The following FBRSL1 variants were observed in gnomAD, a reference collection of about 807,000 sequenced individuals.
FBRSL1 encodes the protein fibrosin-1-like protein.
Under a neutral mutation model 89.6 loss-of-function variants are expected in FBRSL1, and 51 were observed. The observed-to-expected ratio is 0.57, with a 90% CI of 0.45 to 0.72. The LOEUF is 0.72. FBRSL1 is among the 30% of genes least tolerant of loss of function. The pLI, the probability that FBRSL1 is intolerant of heterozygous loss-of-function variation, is 0.00. For missense variants in FBRSL1, 1,618 were observed against 1,451.8 expected (o/e 1.11, Z -1.86); for synonymous variants, 779 against 681.1 (o/e 1.14, Z -2.24).
chr12:132,571,918 C>T (rs1021018401), intron 9 of FBRSL1: 2 of 361,416 alleles, frequency 5.5e-6, no homozygotes, highest in Non-Finnish European at 5.0e-6. Context: ...GGGCTGGAGT[C>T]CCCTCCACTC....
At chr12:132,581,693 C>T (rs752492362) in intron 16 of FBRSL1, 48 bp from the exon 17 acceptor site, 12 of 1,537,792 alleles carry the variant, frequency 7.8e-6, no homozygotes, top group East Asian at 2.4e-5. Flanking sequence ...AGGTGGGAGC[C>T]GCAGCCCACG....
At chr12:132,547,946 G>T in intron 4 of FBRSL1, 57 bp from the exon 5 acceptor site, 1 of 1,540,060 alleles carries the variant, frequency 6.5e-7, no homozygotes. Context: ...GCCGTGCCCC[G>T]GGGGGTGACA....
Position 132,581,453 on chromosome 12 carries a change from G to A in FBRSL1, c.1849G>A (p.Ala617Thr). 1.3e-6 allele frequency: 2 copies of A among 1,551,004 alleles called. No individual in the cohort carries two copies. The highest frequency in any genetic ancestry group is 2.4e-5 in the South Asian group (2 of 84,062). Residue 617 changes from alanine (A) to threonine (T), a missense_variant, in exon 16 of 19, where the codon GCC (alanine) becomes ACC (threonine). Ala to Thr is a moderately conservative substitution (Grantham distance 58, BLOSUM62 0). Transcript: ENST00000680143. ...LFPSTGAAHP[A>T]SNPFGPSAHP... ...GCCCCCCCCAGGTGCCGCCCATCCT[G>A]CCTCCAACCCATTTGGACCCTCAGC...
At chr12:132,493,035 A>G (rs149577021) in intron 1 of FBRSL1, among the ~76,000 whole-genome samples, 1,814 of 152,242 alleles carry the variant, frequency 0.012, 125 homozygotes, top group Admixed American at 0.1. Flanking sequence ...TTACTCCTCA[A>G]ATGACCCACG....
intron 1 of FBRSL1, among the ~76,000 whole-genome samples, chr12:132,500,852 C>T (rs544773796): frequency 2.6e-5 from 4 of 152,230 alleles, no homozygotes; most frequent in Non-Finnish European, 4.4e-5. Flanking sequence ...CCTCTCCTGC[C>T]GCAGTGTCCC....
chr12:132,498,495 C>T (rs1464537764), intron 1 of FBRSL1, among the ~76,000 whole-genome samples: 2 of 152,226 alleles, frequency 1.3e-5, no homozygotes, highest in Non-Finnish European at 1.5e-5. Context: ...CCTACAGACC[C>T]TCCAGGGAAA....
chr12:132,513,565 C>T (rs2034563677), intron 2 of FBRSL1, among the ~76,000 whole-genome samples: 1 of 152,210 alleles, frequency 6.6e-6, no homozygotes, highest in South Asian at 2.1e-4. Context: ...TCTGTGGGGG[C>T]CTCTGCCCAC....
intron 5 of FBRSL1, among the ~76,000 whole-genome samples, chr12:132,562,292 T>C (rs2039196034): frequency 6.6e-6 from 1 of 151,870 alleles, no homozygotes; most frequent in African/African-American, 2.4e-5. Flanking sequence ...CCTGTCCTTC[T>C]TTCTTTGTAA....
intron 5 of FBRSL1, among the ~76,000 whole-genome samples, chr12:132,561,893 C>T (rs2039160137): frequency 6.6e-6 from 1 of 152,202 alleles, no homozygotes; most frequent in Middle Eastern, 3.2e-3. Flanking sequence ...CCCATCCTTG[C>T]TGTGTGAGGG....
intron 12 of FBRSL1, 56 bp from the exon 13 acceptor site, chr12:132,574,263 C>T: frequency 6.8e-7 from 1 of 1,475,842 alleles, no homozygotes; most frequent in Non-Finnish European, 9.0e-7. Context: ...CCCTGCACCC[C>T]CAGGACTCAG....
intron 5 of FBRSL1, among the ~76,000 whole-genome samples, chr12:132,560,513 T>C (rs2039027701): frequency 6.6e-6 from 1 of 151,742 alleles, no homozygotes. Context: ...CGCGCCTTTG[T>C]CTGCGCCCAG....
At chr12:132,510,906 C>T (rs1245975085) in intron 2 of FBRSL1, 25 of 1,002,768 alleles carry the variant, frequency 2.5e-5, no homozygotes, top group East Asian at 1.1e-4. Flanking sequence ...TTGCCCCTGG[C>T]GTGCCACCTG....
At chr12:132,539,039 T>G (rs940818815) in intron 4 of FBRSL1, among the ~76,000 whole-genome samples, 1 of 149,974 alleles carries the variant, frequency 6.7e-6, no homozygotes, top group African/African-American at 2.5e-5. Flanking sequence ...CCTGGTGGGC[T>G]CCCATGCACT....
intron 5 of FBRSL1, among the ~76,000 whole-genome samples, chr12:132,562,684 C>G (rs1250140501): frequency 6.6e-6 from 1 of 151,134 alleles, no homozygotes; most frequent in African/African-American, 2.4e-5. Context: ...CGGGGCCCAA[C>G]CGCTGCTCCT....
chr12:132,571,242 G>T lies in FBRSL1; in HGVS notation c.1377+11G>T, dbSNP rs2039987292. On this transcript the variant is annotated intron_variant, in intron 9 of 18. Transcript: ENST00000680143. ...CCCCGGGAGTGCCAGGTGACTATCC[G>T]CCTCGCCCCGCCGGGAGCCCGCGGC... 1.4e-6 allele frequency: 2 copies of T among 1,470,406 alleles called. No individual in the cohort carries two copies. Among genetic ancestry groups the T allele is most frequent in the Non-Finnish European group, 1.8e-6 (2 of 1,101,240 alleles). The allele number at this position is 1,470,406 out of a possible 1,614,324, so 91.1% of individuals were successfully genotyped here.
chr12:132,560,044 C>G (rs1451364800), intron 5 of FBRSL1: 1 of 150,426 alleles, frequency 6.6e-6, no homozygotes, highest in Non-Finnish European at 1.5e-5. Context: ...CGAGCGCCGC[C>G]CAGAGCGCGC....
At chr12:132,509,487 C>T (rs969177825) in intron 2 of FBRSL1, 18 of 1,238,964 alleles carry the variant, frequency 1.5e-5, no homozygotes, top group African/African-American at 1.1e-4. Flanking sequence ...CCAGCGGTCA[C>T]GCCCGGCCCA....
At chr12:132,527,747 T>G (rs558410780) in intron 3 of FBRSL1, among the ~76,000 whole-genome samples, 6 of 83,000 alleles carry the variant, frequency 7.2e-5, no homozygotes, top group African/African-American at 9.2e-5. Flanking sequence ...TTGAGGGCTG[T>G]GGGGCTGTGG....
rs1427756605 is a variant in FBRSL1, at chr12:132,551,446, G to A, written c.645+3414G>A. 6.6e-6 allele frequency: 3 copies of A among 456,224 alleles called. No individual in the cohort carries two copies. In the Admixed American group the frequency reaches 7.0e-5, roughly 11 times the overall value. The allele number at this position is 456,224 out of a possible 1,614,324, so 28.3% of individuals were successfully genotyped here. Reference sequence around the variant, plus strand: ...CCCTGCCCGCAGAAGCGGATGCCGGGGCAGGTGGCAGTGCACCCCGAGGAA... The same window carrying A: ...CCCTGCCCGCAGAAGCGGATGCCGGAGCAGGTGGCAGTGCACCCCGAGGAA... On this transcript the variant is annotated intron_variant, in intron 5 of 18. Transcript: ENST00000680143.
Sources: gnomAD v4.1 joint callset for allele counts (sites outside exome capture counted in the v4.1 genomes callset) on GRCh38, gnomAD v4.1.1 for gene constraint, MANE v1.5 for transcripts, NCBI Gene and HGNC (gene_info 2026-07-23, HGNC 2026-07-21) for gene names.